RGS7: variants seen among roughly 807,000 people sequenced by gnomAD.
RGS7 encodes regulator of G-protein signaling 7.
RGS7 carries 27 observed loss-of-function variants against 81.1 expected under a neutral mutation model. That is an observed-to-expected ratio of 0.33 (90% CI 0.25 to 0.46). The LOEUF (loss-of-function observed/expected upper bound fraction) is 0.46. Among genes scored for constraint, RGS7 ranks in the 20% least tolerant of loss-of-function variants. The pLI is 1.00. For missense variants in RGS7, 396 were observed against 607.4 expected, an observed-to-expected ratio of 0.65 and a Z score of 3.66; for synonymous variants, 208 against 207.7, an observed-to-expected ratio of 1.00 and a Z score of -0.01.
chr1:240,855,792 C>T (rs974877080), intron 9 of RGS7, among the ~76,000 whole-genome samples: 2 of 152,052 alleles, frequency 1.3e-5, no homozygotes, highest in Non-Finnish European at 2.9e-5. Flanking sequence ...AATTTTTATA[C>T]AGATAATACC....
At position 241,189,183 on chromosome 1, in the gene RGS7, G is replaced by A. The variant is rs112706502; in HGVS notation, c.79-90421C>T. Among the ~76,000 whole-genome samples the A allele has an allele frequency of 1.1e-3, 168 of 152,200 alleles. 1 individual carries two copies. The highest frequency in any genetic ancestry group is 3.6e-3 in the African/African-American group (151 of 41,536). ...ATTTTTTTGTACAGACAAGAGTCTC[G>A]CTACATTGCCCAGGCTGAACTATTT... On this transcript the variant is annotated intron_variant, in intron 2 of 18. Transcript: ENST00000440928.
chr1:240,846,409 C>T lies in RGS7; in HGVS notation c.610-19237G>A, dbSNP rs949898814. ...ATGCGCCACAGCTGTGAGGAGTATA[C>T]AGGATTATCCCCTTATTCCCCTCTT... On this transcript the variant is annotated intron_variant, in intron 9 of 18. Transcript: ENST00000440928. Among the ~76,000 whole-genome samples the T allele has an allele frequency of 4.6e-5, 7 of 152,244 alleles. No homozygotes were observed. The East Asian group carries it at 1.2e-3, about 25-fold the overall frequency.
intron 18 of RGS7, among the ~76,000 whole-genome samples, chr1:240,798,072 G>A (rs1040678698): frequency 1.3e-5 from 2 of 152,082 alleles, no homozygotes; most frequent in Non-Finnish European, 2.9e-5. Flanking sequence ...ATTGGTGAAG[G>A]TGCCCTCACC....
intron 2 of RGS7, among the ~76,000 whole-genome samples, chr1:241,207,054 C>A (rs1363109981): frequency 6.7e-6 from 1 of 148,324 alleles, no homozygotes; most frequent in African/African-American, 2.5e-5. Context: ...CTGCAAGCTC[C>A]GCCTCCCGGG....
In RGS7 at chr1:240,845,506, C is replaced by T. The variant is rs181088939; in HGVS notation, c.610-18334G>A. ...TTTGCATCCTATGCAATAGAGATCACATGGGGTTTTGGAGAAAATGCTAGG... is the reference window on the plus strand; with the variant it reads ...TTTGCATCCTATGCAATAGAGATCATATGGGGTTTTGGAGAAAATGCTAGG... On this transcript the variant is annotated intron_variant, in intron 9 of 18. Transcript: ENST00000440928. Among the ~76,000 whole-genome samples, 130 of 152,324 alleles carry T rather than the reference C, an allele frequency of 8.5e-4. 1 individual carries two copies. The highest frequency in any genetic ancestry group is 4.9e-3 in the Admixed American group (75 of 15,300).
chr1:241,213,430 C>T (rs1220438362), intron 2 of RGS7, among the ~76,000 whole-genome samples: 2 of 152,174 alleles, frequency 1.3e-5, no homozygotes, highest in East Asian at 1.9e-4. Flanking sequence ...AACGGCAGAA[C>T]GTCATTGAAG....
In RGS7 at chr1:241,220,691, T is replaced by G. The variant is rs548244347; in HGVS notation, c.79-121929A>C. The stretch of plus-strand genomic sequence containing the variant: ...CTATAATGACATGTAATTATTAGTA[T>G]TATTAATACTTTTGCAATCATATTA... On this transcript the variant is annotated intron_variant, in intron 2 of 18. Transcript: ENST00000440928. Among the ~76,000 whole-genome samples, 22 of 152,254 alleles carry G rather than the reference T, an allele frequency of 1.4e-4. No homozygotes were observed. In the South Asian group the frequency reaches 4.6e-3, roughly 32 times the overall value.
intron 6 of RGS7, among the ~76,000 whole-genome samples, chr1:240,910,726 A>AT (rs943619795): frequency 4.0e-5 from 6 of 151,390 alleles, no homozygotes; most frequent in Non-Finnish European, 5.9e-5. Flanking sequence ...GTGTCAATTA[A>AT]TTTTTTTTTG....
At chr1:240,842,499 A>G (rs1322363335) in intron 9 of RGS7, among the ~76,000 whole-genome samples, 1 of 151,992 alleles carries the variant, frequency 6.6e-6, no homozygotes, top group Non-Finnish European at 1.5e-5. Context: ...GCTGTTTGTC[A>G]GTATTTGAGG....
intron 3 of RGS7, among the ~76,000 whole-genome samples, chr1:240,995,874 C>T (rs1687209675): frequency 6.6e-6 from 1 of 151,800 alleles, no homozygotes; most frequent in Admixed American, 6.6e-5. Context: ...TTTTGCTCTT[C>T]TTCTATGTTC....
At chr1:241,130,859 C>T (rs1250268356) in intron 2 of RGS7, among the ~76,000 whole-genome samples, 2 of 149,550 alleles carry the variant, frequency 1.3e-5, no homozygotes, top group African/African-American at 5.0e-5. Context: ...TTTCTCTGTC[C>T]TATCCATCTT....
chr1:240,839,452 A>G (rs1467576189), intron 9 of RGS7, among the ~76,000 whole-genome samples: 1 of 152,196 alleles, frequency 6.6e-6, no homozygotes, highest in Non-Finnish European at 1.5e-5. Flanking sequence ...AAAAGTCTCA[A>G]AACTGTAACA....
intron 2 of RGS7, among the ~76,000 whole-genome samples, chr1:241,272,302 G>C (rs201593860): frequency 4.6e-5 from 7 of 152,016 alleles, no homozygotes; most frequent in African/African-American, 9.7e-5. Context: ...CTGACTACTA[G>C]AATTTCTTAT....
chr1:240,956,330 A>G (rs1407262911), intron 4 of RGS7, among the ~76,000 whole-genome samples: 1 of 152,060 alleles, frequency 6.6e-6, no homozygotes, highest in Admixed American at 6.5e-5. Context: ...AAATTGAATT[A>G]AGTAATTTTA....
At chr1:240,798,348 G>A (rs1401511795) in intron 18 of RGS7, among the ~76,000 whole-genome samples, 1 of 151,992 alleles carries the variant, frequency 6.6e-6, no homozygotes, top group Non-Finnish European at 1.5e-5. Flanking sequence ...TTGTCTCTGG[G>A]GTGAAACAAA....
chr1:241,147,018 G>C (rs1037474993), intron 2 of RGS7, among the ~76,000 whole-genome samples: 4 of 152,176 alleles, frequency 2.6e-5, no homozygotes, highest in African/African-American at 9.7e-5. Flanking sequence ...GCTTATAGCA[G>C]TGCTCTTTTT....
intron 2 of RGS7, among the ~76,000 whole-genome samples, chr1:241,286,492 G>T (rs2078818950): frequency 6.6e-6 from 1 of 152,180 alleles, no homozygotes; most frequent in Admixed American, 6.5e-5. Context: ...AAATGGGGAT[G>T]GGGGAAGAGA....
At chr1:241,016,022 T>G (rs1021583334) in intron 3 of RGS7, among the ~76,000 whole-genome samples, 1 of 152,224 alleles carries the variant, frequency 6.6e-6, no homozygotes, top group South Asian at 2.1e-4. Flanking sequence ...GGTCTTAATT[T>G]ATTGTTTAAT....
chr1:240,993,135 G>GAA (rs1396584733), intron 3 of RGS7, among the ~76,000 whole-genome samples: 3 of 137,356 alleles, frequency 2.2e-5, no homozygotes, highest in East Asian at 2.1e-4. Context: ...AGGAAGGAAG[G>GAA]AGGAAAGGAA....
Sources: allele counts gnomAD v4.1 joint callset (sites outside exome capture counted in the v4.1 genomes callset), GRCh38; gene constraint gnomAD v4.1.1; transcripts MANE v1.5; gene names NCBI Gene and HGNC (gene_info 2026-07-23, HGNC 2026-07-21).